MFSD8: variants seen among roughly 807,000 people sequenced by gnomAD.
The protein encoded by MFSD8 is major facilitator superfamily domain-containing protein 8.
In MFSD8, 55 loss-of-function variants were observed where a neutral mutation model predicts 66.4. The ratio of observed to expected loss-of-function variants is 0.83; its 90% CI spans 0.67 to 1.04. MFSD8 has a LOEUF of 1.04. MFSD8 is among the 50% of genes least tolerant of loss of function. MFSD8 has a pLI of 0.00. For missense variants in MFSD8, 550 were observed against 627.6 expected, an observed-to-expected ratio of 0.88 and a Z score of 1.32; for synonymous variants, 202 against 212.8, an observed-to-expected ratio of 0.95 and a Z score of 0.44.
chr4:127,961,900 A>C (rs1236639003), intron 1 of MFSD8, among the ~76,000 whole-genome samples: 1 of 151,700 alleles, frequency 6.6e-6, no homozygotes, highest in Non-Finnish European at 1.5e-5. Flanking sequence ...AAGCTTATGC[A>C]CTTAACTAGT....
chr4:127,962,279 C>G (rs1471461134), intron 1 of MFSD8, among the ~76,000 whole-genome samples: 1 of 152,012 alleles, frequency 6.6e-6, no homozygotes, highest in Admixed American at 6.6e-5. Context: ...ATCAGCCTGG[C>G]CACCTGGTGA....
intron 1 of MFSD8, among the ~76,000 whole-genome samples, chr4:127,957,908 G>A (rs759375765): frequency 6.6e-6 from 1 of 152,114 alleles, no homozygotes; most frequent in African/African-American, 2.4e-5. Flanking sequence ...TTGTAAAAAT[G>A]AATAAATTAC....
At chr4:127,961,368 G>A (rs1482106810) in intron 1 of MFSD8, among the ~76,000 whole-genome samples, 2 of 152,032 alleles carry the variant, frequency 1.3e-5, no homozygotes, top group Non-Finnish European at 2.9e-5. Context: ...AGATCCTAAT[G>A]AGCATCAATC....
intron 2 of MFSD8, among the ~76,000 whole-genome samples, chr4:127,952,794 C>T (rs945330881): frequency 2.7e-5 from 4 of 147,668 alleles, no homozygotes; most frequent in East Asian, 2.0e-4. Flanking sequence ...CGCTTGAACC[C>T]GGGAGGCAGA....
intron 3 of MFSD8, among the ~76,000 whole-genome samples, chr4:127,946,594 T>C (rs1218006559): frequency 6.6e-6 from 1 of 152,128 alleles, no homozygotes; most frequent in African/African-American, 2.4e-5. Context: ...AAATATATTT[T>C]AGGAGAGCAT....
chr4:127,929,193 T>C (rs1328937684), intron 9 of MFSD8, among the ~76,000 whole-genome samples: 1 of 150,910 alleles, frequency 6.6e-6, no homozygotes, highest in East Asian at 1.9e-4. Context: ...TGTGATGGCA[T>C]GTGCCTGTAG....
In MFSD8 at chr4:127,930,673, C is replaced by G; in HGVS notation, c.998+10G>C. 6.2e-7 allele frequency: 1 copy of G among 1,613,188 alleles called. No homozygotes were observed. The highest frequency in any genetic ancestry group is 8.5e-7 in the Non-Finnish European group (1 of 1,179,650). On this transcript the variant is annotated intron_variant, in intron 9 of 11. Transcript: ENST00000641686. ...AAAAACAGACATAAAACCAAAAACA[C>G]TTAACTTACTTTTTGGAAAGCAACT...
At chr4:127,944,098 T>G in intron 3 of MFSD8, 106 bp from the exon 4 acceptor site, 1 of 1,474,226 alleles carries the variant, frequency 6.8e-7, no homozygotes, top group Non-Finnish European at 9.4e-7. Context: ...ATAAAAACAA[T>G]TCTAACGTAT....
At chr4:127,938,915 T>A (rs541320849) in intron 6 of MFSD8, 77 bp from the exon 7 acceptor site, 3 of 1,192,666 alleles carry the variant, frequency 2.5e-6, no homozygotes, top group Non-Finnish European at 2.4e-6. Flanking sequence ...ATCGGCATTG[T>A]ATTTTTTTTC....
intron 1 of MFSD8, among the ~76,000 whole-genome samples, chr4:127,963,599 C>A (rs955930736): frequency 2.0e-5 from 3 of 151,762 alleles, no homozygotes. Flanking sequence ...ACTCTTAAGG[C>A]GGCGCGTCTG....
chr4:127,939,742 T>C (rs1739820039), intron 6 of MFSD8, 111 bp downstream of exon 6: 4 of 1,199,228 alleles, frequency 3.3e-6, no homozygotes, highest in Non-Finnish European at 2.3e-6. Context: ...AAACAAACTA[T>C]AGACATAAAA....
chr4:127,937,735 G>A (rs1739308220), intron 7 of MFSD8, among the ~76,000 whole-genome samples: 1 of 152,054 alleles, frequency 6.6e-6, no homozygotes, highest in Admixed American at 6.6e-5. Context: ...GCCTCTGCAT[G>A]GAATCAATGT....
upstream of MFSD8, chr4:127,965,303 G>A: frequency 3.9e-6 from 3 of 759,608 alleles, no homozygotes; most frequent in Middle Eastern, 2.8e-4. Flanking sequence ...CGGAAGGCCG[G>A]GCAGCGCAGG....
At chr4:127,960,557 AAG>A (rs1336089158) in intron 1 of MFSD8, among the ~76,000 whole-genome samples, 1 of 152,112 alleles carries the variant, frequency 6.6e-6, no homozygotes, top group African/African-American at 2.4e-5. Context: ...AGAGAGAGAA[AAG>A]AAAGAAGTGT....
At chr4:127,921,503 A>G (rs968522059) in intron 11 of MFSD8, 21 bp downstream of exon 11, 15 of 1,614,096 alleles carry the variant, frequency 9.3e-6, no homozygotes, top group Non-Finnish European at 1.3e-5. Flanking sequence ...TATAATTGCA[A>G]TGTCAGGGTA....
chr4:127,940,116 T>C lies in MFSD8; in HGVS notation c.554-119A>G. ...GTTATGGAATCATCCTTCTATATCA[T>C]GCATTCTCAACAGATGGAATTGGTT... is the stretch of plus-strand genomic sequence containing the variant. On this transcript the variant is annotated intron_variant, in intron 5 of 11. Transcript: ENST00000641686. 7 of 996,098 alleles carry C rather than the reference T, an allele frequency of 7.0e-6. No individual in the cohort carries two copies. The South Asian group carries it at 7.5e-5, about 11-fold the overall frequency. 61.7% of individuals were successfully genotyped at this position (996,098 alleles called of 1,614,324 possible).
chr4:127,932,930 A>G, intron 8 of MFSD8, 55 bp downstream of exon 8: 2 of 1,482,516 alleles, frequency 1.3e-6, no homozygotes, highest in Non-Finnish European at 1.9e-6. Flanking sequence ...ACATTGCATT[A>G]AGAAATAAAG....
intron 3 of MFSD8, among the ~76,000 whole-genome samples, chr4:127,947,618 AGAG>A (rs1741275995): frequency 6.6e-6 from 1 of 151,134 alleles, no homozygotes; most frequent in East Asian, 1.9e-4. Context: ...AAGGCTTTCC[AGAG>A]GAGGTGACAC....
chr4:127,942,079 G>A lies in MFSD8; in HGVS notation c.519C>T (p.Ser173=), dbSNP rs1274146586. 6.2e-7 allele frequency: 1 copy of A among 1,613,932 alleles called. No homozygotes were observed. Among genetic ancestry groups the A allele is most frequent in the Admixed American group, 1.7e-5 (1 of 60,010 alleles). Residue 173 remains serine (S), a synonymous_variant, in exon 5 of 12, where the codon AGC becomes AGT. Coordinates refer to ENST00000641686, the MANE Select transcript of MFSD8 (RefSeq NM_001371596.2). ...QERTSSMANI[S]MCQALGFILG... ...GAATAAAACCTAATGCTTGACACAT[G>A]CTTATGTTTGCCATGGAACTTGTTC...
Sources: gnomAD v4.1 joint callset for allele counts (sites outside exome capture counted in the v4.1 genomes callset) on GRCh38, gnomAD v4.1.1 for gene constraint, MANE v1.5 for transcripts, NCBI Gene and HGNC (gene_info 2026-07-23, HGNC 2026-07-21) for gene names.